Variants in PDXDC1 observed in about 807,000 individuals in gnomAD.
The protein encoded by PDXDC1 is pyridoxal dependent decarboxylase domain containing 1, also known as pyridoxal-dependent decarboxylase domain-containing protein 1.
Under a neutral mutation model 100.1 loss-of-function variants are expected in PDXDC1, and 42 were observed. That is an observed-to-expected ratio of 0.42 (90% CI 0.33 to 0.54). The LOEUF (loss-of-function observed/expected upper bound fraction) is 0.54. PDXDC1 is among the 20% of genes least tolerant of loss of function. The pLI is 0.10. For missense variants in PDXDC1, 636 were observed against 979.2 expected (o/e 0.65, Z 4.68); for synonymous variants, 260 against 371.7 (o/e 0.70, Z 3.46).
At chr16:15,052,063 A>G (rs916889339) in intron 16 of PDXDC1, among the ~76,000 whole-genome samples, 1 of 151,994 alleles carries the variant, frequency 6.6e-6, no homozygotes, top group Non-Finnish European at 1.5e-5. Flanking sequence ...CCCAGTTCCT[A>G]TTCAATGGCA....
chr16:15,027,034 T>G (rs1290676325), intron 14 of PDXDC1, among the ~76,000 whole-genome samples: 1 of 130,148 alleles, frequency 7.7e-6, no homozygotes, highest in Non-Finnish European at 1.7e-5. Context: ...GGAATCTGTA[T>G]CTTAAAGAAT....
At chr16:15,028,220 G>A (rs558002921) in intron 14 of PDXDC1, among the ~76,000 whole-genome samples, 5 of 152,390 alleles carry the variant, frequency 3.3e-5, no homozygotes, top group East Asian at 3.9e-4. Context: ...CTTTCCTACC[G>A]CAAGGGCTTA....
chr16:15,038,991 C>T (rs2043680590), downstream of PDXDC1, among the ~76,000 whole-genome samples: 1 of 152,154 alleles, frequency 6.6e-6, no homozygotes, highest in South Asian at 2.1e-4. Flanking sequence ...GTTACGTGTC[C>T]AGTAAGCCTC....
chr16:15,038,742 C>G, downstream of PDXDC1: 2 of 948,016 alleles, frequency 2.1e-6, no homozygotes, highest in Non-Finnish European at 3.4e-6. Context: ...ACTTTTCAAA[C>G]CCTCCCAGTA....
chr16:15,035,992 G>A (rs773701557), intron 22 of PDXDC1, 24 bp from the exon 23 acceptor site: 46 of 1,591,940 alleles, frequency 2.9e-5, no homozygotes, highest in Middle Eastern at 1.7e-4. Context: ...GAGTTTCAGC[G>A]CAGTCTGTCT....
chr16:15,150,495 T>C, the PDXDC1 span, among the ~76,000 whole-genome samples: 3 of 150,854 alleles, frequency 2.0e-5, no homozygotes, highest in Non-Finnish European at 3.0e-5. Flanking sequence ...TGAAACCCCA[T>C]CTCTACTAAA....
At chr16:15,009,260 CTCCT>C (rs2041056074) in intron 7 of PDXDC1, 1 of 346,830 alleles carries the variant, frequency 2.9e-6, no homozygotes, top group African/African-American at 2.1e-5. Context: ...TGATAAATCT[CTCCT>C]TAATGATTCC....
At chr16:15,064,490 G>A (rs1323852244) in intron 16 of PDXDC1, among the ~76,000 whole-genome samples, 1 of 151,970 alleles carries the variant, frequency 6.6e-6, no homozygotes. Flanking sequence ...TTTGTTTTTC[G>A]TTTATCCTGT....
intron 19 of PDXDC1, among the ~76,000 whole-genome samples, chr16:15,033,898 C>A (rs1264530109): frequency 2.0e-5 from 3 of 152,088 alleles, no homozygotes; most frequent in Admixed American, 2.0e-4. Context: ...TGATTACTTC[C>A]CTAAAAATCA....
At chr16:15,066,498 T>C (rs1202696955) in intron 16 of PDXDC1, among the ~76,000 whole-genome samples, 2 of 151,880 alleles carry the variant, frequency 1.3e-5, no homozygotes, top group Non-Finnish European at 1.5e-5. Flanking sequence ...CTGGGCGTGG[T>C]GGCAGGCGCC....
chr16:15,084,756 G>C lies in PDXDC1; in HGVS notation c.1400-54123G>C, dbSNP rs186808616. The C allele has an allele frequency of 1.7e-4, 208 of 1,258,716 alleles. 1 individual carries two copies. In the East Asian group the frequency reaches 3.2e-3, roughly 20 times the overall value. The allele number at this position is 1,258,716 out of a possible 1,614,324, so 78.0% of individuals were successfully genotyped here. On this transcript the variant is annotated intron_variant, in intron 16 of 16. Coordinates refer to the PDXDC1 transcript ENST00000535621. ...GAGCATCAAAACAAAACTGAAGGGCGACACGCTTGAAGCTAAAAATAAATG... is the reference window on the plus strand; with the variant it reads ...GAGCATCAAAACAAAACTGAAGGGCCACACGCTTGAAGCTAAAAATAAATG...
At chr16:15,005,062 G>C (rs1372156898) in intron 5 of PDXDC1, among the ~76,000 whole-genome samples, 1 of 152,254 alleles carries the variant, frequency 6.6e-6, no homozygotes, top group Non-Finnish European at 1.5e-5. Context: ...GTTTTTATTA[G>C]AAAGAAAACT....
rs1166476880 is a variant in PDXDC1, at chr16:15,099,716, C to T, written c.1400-39163C>T. On this transcript the variant is annotated intron_variant, in intron 16 of 16. Coordinates refer to the PDXDC1 transcript ENST00000535621. ...TGCTATCTGCAAAGTCACCACCCTG[C>T]CCACAGTGTGGCCTTTCACTTCACT... Among the ~76,000 whole-genome samples the T allele has an allele frequency of 8.5e-5, 13 of 152,284 alleles. No homozygotes were observed. In the East Asian group the frequency reaches 2.1e-3, roughly 25 times the overall value.
chr16:15,084,260 C>T (rs1159177204), intron 16 of PDXDC1, among the ~76,000 whole-genome samples: 3 of 151,998 alleles, frequency 2.0e-5, no homozygotes, highest in Non-Finnish European at 4.4e-5. Flanking sequence ...ACTAGAGGTC[C>T]ACCCCTCCAA....
At chr16:15,092,393 T>C in intron 16 of PDXDC1, 1 of 698,890 alleles carries the variant, frequency 1.4e-6, no homozygotes. Context: ...TTATTAAATA[T>C]TTGATTTCAA....
intron 16 of PDXDC1, chr16:15,086,452 A>G: frequency 1.9e-6 from 3 of 1,612,094 alleles, no homozygotes; most frequent in Non-Finnish European, 2.5e-6. Flanking sequence ...TGATCTGGTC[A>G]TCCTTAAGTT....
At chr16:15,115,005 G>A (rs867061126) in intron 16 of PDXDC1, among the ~76,000 whole-genome samples, 4 of 146,578 alleles carry the variant, frequency 2.7e-5, no homozygotes, top group African/African-American at 1.0e-4. Flanking sequence ...GTGCAATCTC[G>A]GCTCGCTACA....
chr16:15,147,338 G>T, the PDXDC1 span, among the ~76,000 whole-genome samples: 3 of 152,316 alleles, frequency 2.0e-5, no homozygotes, highest in East Asian at 3.9e-4. Flanking sequence ...CGGCTGCAGG[G>T]GTCTGCCCCA....
At chr16:15,055,353 A>G (rs565788621) in intron 16 of PDXDC1, among the ~76,000 whole-genome samples, 1 of 152,322 alleles carries the variant, frequency 6.6e-6, no homozygotes, top group Non-Finnish European at 1.5e-5. Flanking sequence ...TCTCCCGGCT[A>G]AAAATAACTC....
Sources: gnomAD v4.1 joint callset for allele counts (sites outside exome capture counted in the v4.1 genomes callset) on GRCh38, gnomAD v4.1.1 for gene constraint, MANE v1.5 for transcripts, NCBI Gene and HGNC (gene_info 2026-07-23, HGNC 2026-07-21) for gene names.